Variants in TRAPPC12 observed in about 807,000 individuals in gnomAD.
TRAPPC12 encodes TPR repeat protein 15.
A neutral mutation model predicts 69.2 loss-of-function variants in TRAPPC12; 61 were observed. That is an observed-to-expected ratio of 0.88 (90% CI 0.72 to 1.09). The LOEUF is 1.09. Ranked by LOEUF, TRAPPC12 falls within the 50% of genes least tolerant of loss-of-function variation. TRAPPC12 has a pLI of 0.00. For synonymous variants in TRAPPC12, 469 were observed against 438.9 expected (o/e 1.07, Z -0.86); for missense variants, 1,101 against 1,016.4 (o/e 1.08, Z -1.13).
chr2:3,433,321 C>G (rs917099044), intron 5 of TRAPPC12, among the ~76,000 whole-genome samples: 1 of 152,228 alleles, frequency 6.6e-6, no homozygotes. Context: ...AATGCCAGGG[C>G]AAACTTGTAA....
At chr2:3,459,919 C>T (rs1665394948) in intron 7 of TRAPPC12, 3 of 374,452 alleles carry the variant, frequency 8.0e-6, no homozygotes, top group African/African-American at 4.3e-5. Flanking sequence ...CAGGCAATGT[C>T]GTCGTTTCTG....
intron 3 of TRAPPC12, among the ~76,000 whole-genome samples, chr2:3,415,084 G>A (rs993735702): frequency 1.3e-5 from 2 of 152,124 alleles, no homozygotes; most frequent in Admixed American, 1.3e-4. Flanking sequence ...TAGAGGGTCT[G>A]CTGCTTGTGT....
At chr2:3,391,940 T>C (rs186149948) in intron 2 of TRAPPC12, among the ~76,000 whole-genome samples, 86 of 152,298 alleles carry the variant, frequency 5.6e-4, no homozygotes, top group African/African-American at 1.8e-3. Flanking sequence ...TGCCGTTTGC[T>C]TCTCCCTCTG....
intron 8 of TRAPPC12, among the ~76,000 whole-genome samples, chr2:3,464,345 C>G (rs1357111060): frequency 6.6e-6 from 1 of 152,124 alleles, no homozygotes; most frequent in Non-Finnish European, 1.5e-5. Flanking sequence ...CTCGAAGGTA[C>G]TAGACTGGAG....
intron 5 of TRAPPC12, among the ~76,000 whole-genome samples, chr2:3,428,665 A>G (rs1663254153): frequency 6.6e-6 from 1 of 152,230 alleles, no homozygotes; most frequent in African/African-American, 2.4e-5. Context: ...AATTTCAGTC[A>G]GTTCCTTTCA....
rs150789164 is a variant in TRAPPC12, at chr2:3,430,061, A to G, written c.1417+5398A>G. Reference sequence around the variant, plus strand: ...CAGAGAAATACATATACAGAGAGAGACTATTGTCTTATAAGCTTTGTAAAT... The same window carrying G: ...CAGAGAAATACATATACAGAGAGAGGCTATTGTCTTATAAGCTTTGTAAAT... On this transcript the variant is annotated intron_variant, in intron 5 of 11. Coordinates refer to ENST00000324266, the MANE Select transcript of TRAPPC12 (RefSeq NM_016030.6). Among the ~76,000 whole-genome samples the G allele has an allele frequency of 1.7e-3, 266 of 152,242 alleles. 5 individuals are homozygous for G. The highest frequency in any genetic ancestry group is 2.7e-3 in the Non-Finnish European group (186 of 68,016).
chr2:3,421,206 G>A (rs1662763251), intron 3 of TRAPPC12, among the ~76,000 whole-genome samples: 1 of 152,204 alleles, frequency 6.6e-6, no homozygotes, highest in Non-Finnish European at 1.5e-5. Context: ...TTTGCCTAAT[G>A]GCTGTCCTTT....
intron 3 of TRAPPC12, among the ~76,000 whole-genome samples, chr2:3,402,180 G>T (rs987345853): frequency 6.6e-6 from 1 of 152,160 alleles, no homozygotes; most frequent in Non-Finnish European, 1.5e-5. Flanking sequence ...AGAGATAAAT[G>T]ATTTGTGTTC....
At chr2:3,389,087 C>T (rs911406474) in intron 2 of TRAPPC12, 1 of 162,754 alleles carries the variant, frequency 6.1e-6, no homozygotes, top group African/African-American at 2.4e-5. Flanking sequence ...TACGCGTGAC[C>T]CAAAAAGTAA....
chr2:3,459,764 C>T (rs929789865), intron 7 of TRAPPC12, among the ~76,000 whole-genome samples: 7 of 152,192 alleles, frequency 4.6e-5, no homozygotes, highest in East Asian at 1.9e-4. Flanking sequence ...TTGGGGGAAC[C>T]GGCGTCTGCA....
Position 3,388,598 on chromosome 2 carries a change from C to G in TRAPPC12, c.975C>G (p.Thr325=). Residue 325 remains threonine (T), a synonymous_variant, in exon 2 of 12, where the codon ACC becomes ACG. Coordinates refer to ENST00000324266, the MANE Select transcript of TRAPPC12 (RefSeq NM_016030.6). The part of the protein sequence containing the change: ...ATRGVLRAVA[T]QQRGAVFVDK... Reference sequence around the variant, plus strand: ...GTGGAGTCCTGCGGGCCGTGGCCACCCAGCAGCGCGGCGCCGTGTTCGTGG... The same window carrying G: ...GTGGAGTCCTGCGGGCCGTGGCCACGCAGCAGCGCGGCGCCGTGTTCGTGG... The G allele has an allele frequency of 6.2e-7, 1 of 1,609,150 alleles. No individual in the cohort carries two copies. The highest frequency in any genetic ancestry group is 8.5e-7 in the Non-Finnish European group (1 of 1,177,724).
intron 6 of TRAPPC12, among the ~76,000 whole-genome samples, chr2:3,446,648 A>T (rs1048220714): frequency 6.6e-6 from 1 of 152,194 alleles, no homozygotes; most frequent in African/African-American, 2.4e-5. Flanking sequence ...AGCAGTTTTT[A>T]TCTGGATGTG....
chr2:3,466,426 C>T (rs1288927076), intron 9 of TRAPPC12: 1 of 468,706 alleles, frequency 2.1e-6, no homozygotes. Flanking sequence ...CATTTCACCT[C>T]ACGGTGTGAC....
At chr2:3,472,728 C>T (rs904877994) in intron 9 of TRAPPC12, 1 of 152,326 alleles carries the variant, frequency 6.6e-6, no homozygotes, top group Middle Eastern at 3.4e-3. Flanking sequence ...AAGAGACTTA[C>T]ATCCAGAATA....
intron 9 of TRAPPC12, chr2:3,468,088 A>G (rs1572206011): frequency 6.6e-6 from 1 of 152,228 alleles, no homozygotes; most frequent in Middle Eastern, 3.2e-3. Flanking sequence ...TCTTCGCCTC[A>G]TGTCCTTAGT....
intron 6 of TRAPPC12, among the ~76,000 whole-genome samples, chr2:3,446,270 G>A (rs766211875): frequency 1.1e-4 from 16 of 152,198 alleles, no homozygotes; most frequent in African/African-American, 1.9e-4. Context: ...TGAGGAAATC[G>A]CAATTCGTTC....
chr2:3,429,162 C>A (rs1291854130), intron 5 of TRAPPC12, among the ~76,000 whole-genome samples: 1 of 152,184 alleles, frequency 6.6e-6, no homozygotes, highest in Non-Finnish European at 1.5e-5. Context: ...GGGTTGTGAG[C>A]AGATTGTCCA....
At chr2:3,466,866 T>C (rs994260519) in intron 9 of TRAPPC12, among the ~76,000 whole-genome samples, 3 of 152,220 alleles carry the variant, frequency 2.0e-5, no homozygotes, top group Non-Finnish European at 4.4e-5. Flanking sequence ...GAGAAAGCTC[T>C]GTGTGGCCAG....
chr2:3,475,217 T>C (rs1387114666), intron 9 of TRAPPC12, among the ~76,000 whole-genome samples: 5 of 152,186 alleles, frequency 3.3e-5, no homozygotes, highest in South Asian at 2.1e-4. Context: ...TAGCCTCTCA[T>C]GTAGCTGGGG....
Sources: allele counts gnomAD v4.1 joint callset (sites outside exome capture counted in the v4.1 genomes callset), GRCh38; gene constraint gnomAD v4.1.1; transcripts MANE v1.5; gene names NCBI Gene and HGNC (gene_info 2026-07-23, HGNC 2026-07-21).